The following ZMIZ1 variants were observed in gnomAD, a reference collection of about 807,000 sequenced individuals.
ZMIZ1 encodes the protein zinc finger MIZ domain-containing protein 1.
Under a neutral mutation model 113.9 loss-of-function variants are expected in ZMIZ1, and 17 were observed. That is an observed-to-expected ratio of 0.15 (90% confidence interval 0.10 to 0.22). The LOEUF is 0.22. ZMIZ1 is among the 10% of genes least tolerant of loss of function. The pLI, the probability that ZMIZ1 is intolerant of heterozygous loss-of-function variation, is 1.00. For synonymous variants in ZMIZ1, 607 were observed against 603.1 expected (o/e 1.01, Z -0.09); for missense variants, 1,059 against 1,477.8 (o/e 0.72, Z 4.65).
chr10:79,291,463 C>T (rs1041396496), intron 10 of ZMIZ1, among the ~76,000 whole-genome samples: 1 of 152,206 alleles, frequency 6.6e-6, no homozygotes, highest in African/African-American at 2.4e-5. Context: ...TAAATTTTGT[C>T]TTTAATGAAT....
chr10:79,220,854 A>G (rs1389078363), intron 7 of ZMIZ1, among the ~76,000 whole-genome samples: 2 of 148,540 alleles, frequency 1.3e-5, no homozygotes, highest in Non-Finnish European at 3.0e-5. Flanking sequence ...GTCTCTGTGT[A>G]TGTCTGCATG....
chr10:79,104,979 G>A (rs1464657372), intron 1 of ZMIZ1, among the ~76,000 whole-genome samples: 1 of 151,752 alleles, frequency 6.6e-6, no homozygotes, highest in African/African-American at 2.4e-5. Flanking sequence ...GTGTGTGTGT[G>A]TGTGTGTGTG....
At chr10:79,169,084 G>GGACCTCTGTT (rs1846495671) in intron 4 of ZMIZ1, among the ~76,000 whole-genome samples, 2 of 152,180 alleles carry the variant, frequency 1.3e-5, no homozygotes, top group Non-Finnish European at 2.9e-5. Context: ...TGGAGCCTAG[G>GGACCTCTGTT]GGAACATCTC....
At chr10:79,117,002 T>G (rs1844063512) in intron 1 of ZMIZ1, among the ~76,000 whole-genome samples, 1 of 152,256 alleles carries the variant, frequency 6.6e-6, no homozygotes, top group African/African-American at 2.4e-5. Context: ...CTCATGTGAC[T>G]CCAGTCACGT....
At chr10:79,132,592 T>C (rs1408460996) in intron 2 of ZMIZ1, among the ~76,000 whole-genome samples, 4 of 152,236 alleles carry the variant, frequency 2.6e-5, no homozygotes, top group South Asian at 4.1e-4. Context: ...TTGCTGCCTC[T>C]CCCCTATTCT....
chr10:79,266,262 G>A (rs1851595495), intron 7 of ZMIZ1, among the ~76,000 whole-genome samples: 1 of 152,170 alleles, frequency 6.6e-6, no homozygotes, highest in South Asian at 2.1e-4. Context: ...CTGTCTCCTG[G>A]GGATATGCCT....
intron 1 of ZMIZ1, among the ~76,000 whole-genome samples, chr10:79,114,502 T>TGTGC (rs1554852488): frequency 4.1e-5 from 3 of 73,496 alleles, no homozygotes; most frequent in African/African-American, 1.0e-4. Context: ...TGCGTGTGTG[T>TGTGC]GTGCGTGTGT....
chr10:79,113,007 C>T (rs1843813451), intron 1 of ZMIZ1, among the ~76,000 whole-genome samples: 1 of 152,160 alleles, frequency 6.6e-6, no homozygotes, highest in African/African-American at 2.4e-5. Flanking sequence ...CTCCTGGGCT[C>T]TTGAGCAAGG....
chr10:79,272,934 A>T (rs549931612), intron 7 of ZMIZ1, among the ~76,000 whole-genome samples: 1 of 152,324 alleles, frequency 6.6e-6, no homozygotes, highest in African/African-American at 2.4e-5. Context: ...GAAGGCCCCA[A>T]GGTCCTCGGC....
At chr10:79,275,504 T>C (rs1200950847) in intron 7 of ZMIZ1, among the ~76,000 whole-genome samples, 1 of 152,246 alleles carries the variant, frequency 6.6e-6, no homozygotes, top group Non-Finnish European at 1.5e-5. Context: ...GGCTTTGGGC[T>C]GACGGGAACC....
Position 79,292,889 on chromosome 10 carries a change from GA to G in ZMIZ1, c.958-491del, listed in dbSNP as rs1309900202. On this transcript the variant is annotated intron_variant, in intron 11 of 24. Transcript: ENST00000334512. ...GTGAGGAGGTGGGAACTGCAGGGCA[GA>G]GGGGCAGAAGTGGAAGCTGGGCTGA... 10 of 461,680 alleles carry G rather than the reference GA, an allele frequency of 2.2e-5. No individual in the cohort carries two copies. The East Asian group carries it at 6.8e-4, about 32-fold the overall frequency. 28.6% of individuals were successfully genotyped at this position (461,680 alleles called of 1,614,324 possible). A position where few individuals can be genotyped will look rare whatever the true frequency, so the allele number is the denominator to read the frequency against.
rs184971672 is a variant in ZMIZ1 at position 79,276,254 on chromosome 10, A to C, written c.281-927A>C. Among the ~76,000 whole-genome samples, 578 of 152,338 alleles carry C rather than the reference A, an allele frequency of 3.8e-3. 2 individuals carry two copies. Among genetic ancestry groups the C allele is most frequent in the African/African-American group, 0.013 (560 of 41,592 alleles). ...AGCAAGATGGTGACTGAGCGCAGCC[A>C]GTTCCCCAGCCCTCAGCGTCCTCAT... On this transcript the variant is annotated intron_variant, in intron 7 of 24. Transcript: ENST00000334512.
intron 7 of ZMIZ1, among the ~76,000 whole-genome samples, chr10:79,243,256 C>A (rs1160254449): frequency 6.7e-6 from 1 of 150,190 alleles, no homozygotes; most frequent in Non-Finnish European, 1.5e-5. Flanking sequence ...CTCCGGCGCG[C>A]CCCGTGCGCC....
chr10:79,156,977 G>T (rs556831982), intron 3 of ZMIZ1, among the ~76,000 whole-genome samples: 5 of 150,038 alleles, frequency 3.3e-5, no homozygotes, highest in African/African-American at 4.9e-5. Flanking sequence ...TTATGCAAGC[G>T]AAAAGAAACA....
chr10:79,205,347 G>GGC (rs1373581954), intron 5 of ZMIZ1, among the ~76,000 whole-genome samples: 1 of 152,198 alleles, frequency 6.6e-6, no homozygotes, highest in South Asian at 2.1e-4. Context: ...ATTCTGCAGT[G>GGC]GCCATGTTGC....
intron 3 of ZMIZ1, among the ~76,000 whole-genome samples, chr10:79,144,602 GT>G (rs1845409688): frequency 6.6e-6 from 1 of 152,192 alleles, no homozygotes. Context: ...TCTTCCTGCA[GT>G]CTTTGGCACC....
rs1455682410 is a variant in ZMIZ1 at position 79,314,177 on chromosome 10, C to A, written c.*1428C>A. On this transcript the variant is annotated 3_prime_UTR_variant, in exon 25 of 25. Transcript: ENST00000334512. ...TTTGCTCCATCTGGCTTACCACTCT[C>A]CAGGGCCTCCTGGGGAGCCTGTCCT... The A allele has an allele frequency of 6.6e-6, 3 of 456,958 alleles. No individual in the cohort carries two copies. The Admixed American group carries it at 7.0e-5, about 11-fold the overall frequency. 28.3% of individuals were successfully genotyped at this position (456,958 alleles called of 1,614,324 possible).
At chr10:79,198,838 A>G (rs1847948216) in intron 4 of ZMIZ1, among the ~76,000 whole-genome samples, 1 of 152,052 alleles carries the variant, frequency 6.6e-6, no homozygotes. Flanking sequence ...GTTCGAGACC[A>G]GCCTGGCCAG....
In ZMIZ1 at chr10:79,160,291, T is replaced by C. The variant is rs149599049; in HGVS notation, c.-130-1762T>C. Reference sequence around the variant, plus strand: ...TTGGGGGCTGCCAGAGCCAGAAGGTTAGGATGTAGAGCCACTTCCTCTCCC... The same window carrying C: ...TTGGGGGCTGCCAGAGCCAGAAGGTCAGGATGTAGAGCCACTTCCTCTCCC... On this transcript the variant is annotated intron_variant, in intron 3 of 24. Coordinates refer to ENST00000334512, the MANE Select transcript of ZMIZ1 (RefSeq NM_020338.4). Among the ~76,000 whole-genome samples, 41 of 152,280 alleles carry C rather than the reference T, an allele frequency of 2.7e-4. 1 individual carries two copies. Among genetic ancestry groups the C allele is most frequent in the African/African-American group, 9.9e-4 (41 of 41,554 alleles).
Sources: gnomAD v4.1 joint callset for allele counts (sites outside exome capture counted in the v4.1 genomes callset) on GRCh38, gnomAD v4.1.1 for gene constraint, MANE v1.5 for transcripts, NCBI Gene and HGNC (gene_info 2026-07-23, HGNC 2026-07-21) for gene names.